UGT1A8: variants seen among roughly 807,000 people sequenced by gnomAD.
UGT1A8 encodes the protein UDP glucuronosyltransferase family 1 member A8.
UGT1A8 carries 39 observed loss-of-function variants against 45.3 expected under a neutral mutation model. The ratio of observed to expected loss-of-function variants is 0.86; its 90% CI spans 0.67 to 1.12. UGT1A8 has a LOEUF of 1.12. UGT1A8 is among the 50% of genes most tolerant of loss of function. The probability of loss-of-function intolerance (pLI) is 0.00; values close to 1 mark genes in which losing one functional copy is unlikely to be tolerated. For synonymous variants in UGT1A8, 275 were observed against 249.2 expected, an observed-to-expected ratio of 1.10 and a Z score of -0.97; for missense variants, 719 against 664.9, an observed-to-expected ratio of 1.08 and a Z score of -0.90.
intron 1 of UGT1A8, among the ~76,000 whole-genome samples, chr2:233,677,450 C>G (rs2074390923): frequency 6.6e-6 from 1 of 152,116 alleles, no homozygotes; most frequent in Non-Finnish European, 1.5e-5. Flanking sequence ...TACCAAAAGC[C>G]TTGCCAATAC....
chr2:233,672,888 A>G, intron 1 of UGT1A8: 2 of 1,512,682 alleles, frequency 1.3e-6, no homozygotes, highest in Non-Finnish European at 1.8e-6. Context: ...CATTTGTTTC[A>G]TTTCAAATTT....
chr2:233,628,967 T>A lies in UGT1A8; in HGVS notation c.855+10405T>A, dbSNP rs1347981724. 4.6e-5 allele frequency among the ~76,000 whole-genome samples: 7 copies of A among 152,250 alleles called. No individual in the cohort carries two copies. In the South Asian group the frequency reaches 8.3e-4, roughly 18 times the overall value. On this transcript the variant is annotated intron_variant, in intron 1 of 4. Coordinates refer to ENST00000373450, the MANE Select transcript of UGT1A8 (RefSeq NM_019076.5). Reference sequence around the variant, plus strand: ...AATCATTAATTGTGGTGAAAACACATAGCATAAAATATATCATCTTCATCA... The same window carrying A: ...AATCATTAATTGTGGTGAAAACACAAAGCATAAAATATATCATCTTCATCA...
rs34642976 is a variant in UGT1A8 at position 233,765,194 on chromosome 2, T to A, written c.856-1840T>A. Among the ~76,000 whole-genome samples, 4 of 152,300 alleles carry A rather than the reference T, an allele frequency of 2.6e-5. No homozygotes were observed. The East Asian group carries it at 7.7e-4, about 29-fold the overall frequency. On this transcript the variant is annotated intron_variant, in intron 1 of 4. Transcript: ENST00000373450. ...CAAGCCCTGCCACATCACACAATCA[T>A]ATTAGTGCCCTCAGTATTCTTTGCA...
At chr2:233,664,289 A>G (rs2074032330) in intron 1 of UGT1A8, among the ~76,000 whole-genome samples, 1 of 152,142 alleles carries the variant, frequency 6.6e-6, no homozygotes, top group African/African-American at 2.4e-5. Context: ...TGAGCCCTCC[A>G]AACTCTTCAA....
At chr2:233,761,273 T>A (rs748388612) in intron 1 of UGT1A8, 95 of 1,579,546 alleles carry the variant, frequency 6.0e-5, no homozygotes, top group Non-Finnish European at 8.1e-5. Context: ...ATGCCCTCTT[T>A]TGTTAATTTT....
At chr2:233,716,751 G>A (rs900841882) in intron 1 of UGT1A8, among the ~76,000 whole-genome samples, 2 of 152,184 alleles carry the variant, frequency 1.3e-5, no homozygotes, top group African/African-American at 4.8e-5. Flanking sequence ...GATTGGGAGA[G>A]GGGAGCTAGA....
At chr2:233,732,625 G>A (rs1018274304) in intron 1 of UGT1A8, among the ~76,000 whole-genome samples, 1 of 152,154 alleles carries the variant, frequency 6.6e-6, no homozygotes, top group African/African-American at 2.4e-5. Context: ...TAGATGTGTG[G>A]TGTTATTTCT....
chr2:233,698,830 G>A (rs2075465152), intron 1 of UGT1A8, among the ~76,000 whole-genome samples: 1 of 152,226 alleles, frequency 6.6e-6, no homozygotes. Context: ...GAGTAAGGCA[G>A]GATCACTTCC....
At chr2:233,728,754 C>A (rs1442731907) in intron 1 of UGT1A8, among the ~76,000 whole-genome samples, 2 of 152,152 alleles carry the variant, frequency 1.3e-5, no homozygotes, top group Non-Finnish European at 2.9e-5. Flanking sequence ...AATGGTGACT[C>A]CTCAGACCTC....
chr2:233,671,485 T>A (rs1330476452), intron 1 of UGT1A8, among the ~76,000 whole-genome samples: 1 of 152,206 alleles, frequency 6.6e-6, no homozygotes, highest in Non-Finnish European at 1.5e-5. Flanking sequence ...TTGTTTTCTT[T>A]GCTTAGAGCA....
chr2:233,769,840 A>G lies in UGT1A8; in HGVS notation c.1295+1401A>G, dbSNP rs1259397954. 2 of 589,486 alleles carry G rather than the reference A, an allele frequency of 3.4e-6. No homozygotes were observed. The highest frequency in any genetic ancestry group is 5.2e-6 in the Non-Finnish European group (2 of 381,342). The allele number at this position is 589,486 out of a possible 1,614,324, so 36.5% of individuals were successfully genotyped here. On this transcript the variant is annotated intron_variant, in intron 4 of 4. Transcript: ENST00000373450. This position sits in a 1 kb window ranked among gnomAD's most constrained non-coding sequence, Gnocchi z 4.4. ...ACTGCACTCCAGCAACCTGGGCAAC[A>G]GAGTGAGACCCTGTCTCAAAAAAAA...
At chr2:233,623,467 G>A (rs1410648650) in intron 1 of UGT1A8, among the ~76,000 whole-genome samples, 11 of 151,942 alleles carry the variant, frequency 7.2e-5, no homozygotes, top group Non-Finnish European at 1.6e-4. Flanking sequence ...ATTCCTAGGT[G>A]TTTTATTCTC....
intron 1 of UGT1A8, among the ~76,000 whole-genome samples, chr2:233,638,512 T>C (rs1006353133): frequency 1.2e-4 from 18 of 152,234 alleles, no homozygotes; most frequent in African/African-American, 4.3e-4. Flanking sequence ...ACTTCCAAAA[T>C]ATTATTGAGT....
chr2:233,768,250 A>G lies in UGT1A8; in HGVS notation c.1106A>G (p.His369Arg). 1 of 1,614,148 alleles carries G rather than the reference A, an allele frequency of 6.2e-7. No individual in the cohort carries two copies. Among genetic ancestry groups the G allele is most frequent in the South Asian group, 1.1e-5 (1 of 91,078 alleles). ...GHPMTRAFITHAGSHGVYESI... is the reference protein window; with the variant it reads ...GHPMTRAFITRAGSHGVYESI... ...CCGATGACCCGTGCCTTTATCACCC[A>G]TGCTGGTTCCCATGGTGTTTATGAA... The change falls in exon 4 of 5, where the codon CAT becomes CGT. Residue 369 changes from histidine to arginine, a missense_variant. Transcript: ENST00000373450.
intron 1 of UGT1A8, among the ~76,000 whole-genome samples, chr2:233,734,449 A>ATTTTGTTGATC (rs2078526533): frequency 6.6e-6 from 1 of 150,978 alleles, no homozygotes; most frequent in Admixed American, 6.6e-5. Context: ...AGGTCTATCA[A>ATTTTGTTGATC]TTTTCAAAAT....
intron 1 of UGT1A8, chr2:233,721,958 T>G (rs1019099547): frequency 6.3e-6 from 2 of 316,544 alleles, no homozygotes; most frequent in Non-Finnish European, 1.3e-5. Flanking sequence ...TCTTTGTATA[T>G]GCATACATTG....
At chr2:233,765,308 T>A (rs746475199) in intron 1 of UGT1A8, among the ~76,000 whole-genome samples, 3 of 152,234 alleles carry the variant, frequency 2.0e-5, no homozygotes, top group Non-Finnish European at 4.4e-5. Flanking sequence ...CATGCACATA[T>A]TTGTTTATTG....
At chr2:233,661,589 C>G (rs1382702400) in intron 1 of UGT1A8, among the ~76,000 whole-genome samples, 1 of 150,304 alleles carries the variant, frequency 6.7e-6, no homozygotes, top group Non-Finnish European at 1.5e-5. Flanking sequence ...AGGTTTGAAG[C>G]CTGCTGGCAT....
At chr2:233,650,184 G>A (rs2073704839) in intron 1 of UGT1A8, among the ~76,000 whole-genome samples, 1 of 152,096 alleles carries the variant, frequency 6.6e-6, no homozygotes, top group South Asian at 2.1e-4. Flanking sequence ...TGGTCAGGCT[G>A]GTCTCGAACT....
Sources: gnomAD v4.1 joint callset for allele counts (sites outside exome capture counted in the v4.1 genomes callset) on GRCh38, gnomAD v4.1.1 for gene constraint, Gnocchi (gnomAD v3.1) non-coding constraint, MANE v1.5 for transcripts, NCBI Gene and HGNC (gene_info 2026-07-23, HGNC 2026-07-21) for gene names.